Variants in GLIS3 observed in about 807,000 individuals in gnomAD.
GLIS3 encodes the protein zinc finger protein GLIS3.
Under a neutral mutation model 78.6 loss-of-function variants are expected in GLIS3, and 53 were observed. The ratio of observed to expected loss-of-function variants is 0.67; its 90% confidence interval spans 0.54 to 0.85. The LOEUF is 0.85. GLIS3 is among the 40% of genes least tolerant of loss of function. The pLI is 0.00. For missense variants in GLIS3, 1,703 were observed against 1,231.1 expected (o/e 1.38, Z -5.74); for synonymous variants, 684 against 509.9 (o/e 1.34, Z -4.60).
intron 4 of GLIS3, among the ~76,000 whole-genome samples, chr9:4,002,295 C>A (rs537094522): frequency 6.6e-6 from 1 of 152,262 alleles, no homozygotes; most frequent in Admixed American, 6.5e-5. Context: ...CCAGAAGGAA[C>A]CTTCTGACTT....
chr9:4,105,502 C>G (rs986487391), intron 4 of GLIS3, among the ~76,000 whole-genome samples: 3 of 152,152 alleles, frequency 2.0e-5, no homozygotes, highest in African/African-American at 4.8e-5. Context: ...AATCAGGCAA[C>G]TAAAAATGCC....
Position 3,879,466 on chromosome 9 carries a change from T to C in GLIS3, c.2258A>G (p.Gln753Arg), listed in dbSNP as rs750346762. 60 of 1,613,930 alleles carry C rather than the reference T, an allele frequency of 3.7e-5. 1 individual carries two copies. In the Middle Eastern group the frequency reaches 3.3e-3, roughly 88 times the overall value. ...VQGSPHNPSS[Q>R]LPPLTAVDAG... ...GTCCACAGCTGTGAGTGGAGGTAAC[T>C]GGGAGGAGGGGTTGTGAGGGCTCCC... Residue 753 changes from glutamine (Q) to arginine (R), a missense_variant, in exon 8 of 11, where the codon CAG (glutamine) becomes CGG (arginine). Transcript: ENST00000381971.
chr9:3,967,370 G>T (rs1818032873), intron 4 of GLIS3, among the ~76,000 whole-genome samples: 1 of 152,112 alleles, frequency 6.6e-6, no homozygotes, highest in Admixed American at 6.5e-5. Flanking sequence ...AGGCGTGGTT[G>T]CACGTGCCTG....
At chr9:4,128,492 G>A (rs567490128) in intron 2 of GLIS3, among the ~76,000 whole-genome samples, 2 of 152,278 alleles carry the variant, frequency 1.3e-5, no homozygotes, top group South Asian at 2.1e-4. Flanking sequence ...AAATTAGAAT[G>A]AATGAAAGAA....
intron 2 of GLIS3, among the ~76,000 whole-genome samples, chr9:4,251,103 C>T (rs1002164394): frequency 2.0e-5 from 3 of 152,162 alleles, no homozygotes; most frequent in Admixed American, 2.0e-4. Context: ...GTGGAGAGTT[C>T]TGTAAATGTC....
intron 2 of GLIS3, among the ~76,000 whole-genome samples, chr9:4,250,421 C>T (rs527917964): frequency 6.6e-6 from 1 of 152,262 alleles, no homozygotes; most frequent in East Asian, 1.9e-4. Context: ...TTATAGTATT[C>T]TCTGATGGTA....
At chr9:3,893,170 A>G (rs954383154) in intron 7 of GLIS3, among the ~76,000 whole-genome samples, 2 of 152,190 alleles carry the variant, frequency 1.3e-5, no homozygotes, top group Non-Finnish European at 1.5e-5. Context: ...TAAAGCCGCA[A>G]TTGCCCAGCC....
intron 2 of GLIS3, among the ~76,000 whole-genome samples, chr9:4,318,600 A>G (rs1817474302): frequency 6.6e-6 from 1 of 152,220 alleles, no homozygotes; most frequent in East Asian, 1.9e-4. Flanking sequence ...TTGGCAGCAA[A>G]AAGAGTCCAG....
At chr9:3,872,725 G>T (rs546929403) in intron 8 of GLIS3, among the ~76,000 whole-genome samples, 9 of 152,116 alleles carry the variant, frequency 5.9e-5, no homozygotes, top group Non-Finnish European at 1.3e-4. Context: ...ATTTGGGTGC[G>T]GACACACAGC....
At chr9:4,019,370 T>C (rs559136245) in intron 4 of GLIS3, among the ~76,000 whole-genome samples, 2 of 152,302 alleles carry the variant, frequency 1.3e-5, no homozygotes, top group African/African-American at 2.4e-5. Flanking sequence ...ACACCACATG[T>C]AGATCTGTGA....
intron 4 of GLIS3, among the ~76,000 whole-genome samples, chr9:4,006,922 C>G (rs889198004): frequency 1.2e-4 from 19 of 152,324 alleles, no homozygotes; most frequent in Admixed American, 9.1e-4. Flanking sequence ...GTCCTGGATG[C>G]AAGCTGTCTA....
intron 4 of GLIS3, among the ~76,000 whole-genome samples, chr9:4,020,506 G>C (rs1410910187): frequency 6.6e-6 from 1 of 152,142 alleles, no homozygotes; most frequent in East Asian, 1.9e-4. Context: ...CTTTTGCTTA[G>C]TATAAGAGCA....
chr9:4,184,668 C>A (rs1367047900), intron 2 of GLIS3, among the ~76,000 whole-genome samples: 1 of 152,164 alleles, frequency 6.6e-6, no homozygotes, highest in African/African-American at 2.4e-5. Context: ...CTGGGGGAAC[C>A]CCTGGTTGGA....
intron 4 of GLIS3, among the ~76,000 whole-genome samples, chr9:3,974,819 A>C (rs1400094286): frequency 6.6e-6 from 1 of 152,182 alleles, no homozygotes; most frequent in African/African-American, 2.4e-5. Context: ...TCGCTCAGGC[A>C]ATTTCATTGT....
At chr9:3,843,036 A>T (rs1257151636) in intron 9 of GLIS3, among the ~76,000 whole-genome samples, 1 of 152,136 alleles carries the variant, frequency 6.6e-6, no homozygotes, top group Non-Finnish European at 1.5e-5. Flanking sequence ...CTCTCTCCCA[A>T]TGCCTGTCTC....
At chr9:3,921,874 T>A (rs1824910641) in intron 6 of GLIS3, among the ~76,000 whole-genome samples, 2 of 151,686 alleles carry the variant, frequency 1.3e-5, no homozygotes, top group African/African-American at 2.4e-5. Flanking sequence ...ACCAGCAATC[T>A]AAGAACTGTA....
chr9:4,398,293 A>T, the GLIS3 span, among the ~76,000 whole-genome samples: 1 of 152,004 alleles, frequency 6.6e-6, no homozygotes, highest in Non-Finnish European at 1.5e-5. Context: ...TCAAAATATG[A>T]TCCCTGAATT....
intron 6 of GLIS3, among the ~76,000 whole-genome samples, chr9:3,928,842 T>C (rs1314484564): frequency 6.6e-6 from 1 of 152,244 alleles, no homozygotes; most frequent in Non-Finnish European, 1.5e-5. Context: ...TGAATCTTTG[T>C]GGAAGTGTGA....
intron 2 of GLIS3, among the ~76,000 whole-genome samples, chr9:4,251,810 A>C (rs1245466489): frequency 6.6e-6 from 1 of 152,092 alleles, no homozygotes; most frequent in Non-Finnish European, 1.5e-5. Flanking sequence ...GTAGTGACAA[A>C]ATCTCTAAGC....
Sources: gnomAD v4.1 joint callset for allele counts (sites outside exome capture counted in the v4.1 genomes callset) on GRCh38, gnomAD v4.1.1 for gene constraint, MANE v1.5 for transcripts, NCBI Gene and HGNC (gene_info 2026-07-23, HGNC 2026-07-21) for gene names.